Variants in CDH12 observed in about 807,000 individuals in gnomAD.
CDH12 encodes the protein cadherin 12, also known as cadherin-12.
In CDH12, 41 loss-of-function variants were observed where a neutral mutation model predicts 74.1. The observed-to-expected ratio is 0.55, with a 90% CI of 0.43 to 0.72. The LOEUF is 0.72. Among genes scored for constraint, CDH12 ranks in the 30% least tolerant of loss-of-function variants. The pLI, the probability that CDH12 is intolerant of heterozygous loss-of-function variation, is 0.00. For synonymous variants in CDH12, 399 were observed against 355.0 expected (o/e 1.12, Z -1.39); for missense variants, 945 against 977.2 (o/e 0.97, Z 0.44).
intron 1 of CDH12, among the ~76,000 whole-genome samples, chr5:22,651,003 T>C (rs975199541): frequency 2.6e-5 from 4 of 152,082 alleles, no homozygotes; most frequent in Admixed American, 6.6e-5. Flanking sequence ...TGTATTTCCA[T>C]GTTTAATATC....
intron 1 of CDH12, among the ~76,000 whole-genome samples, chr5:22,719,090 T>A (rs1743741734): frequency 6.6e-6 from 1 of 152,322 alleles, no homozygotes; most frequent in African/African-American, 2.4e-5. Context: ...GAAGTGGTCC[T>A]GGAGACACCC....
chr5:22,421,410 T>C (rs1471215141), intron 2 of CDH12, among the ~76,000 whole-genome samples: 2 of 152,138 alleles, frequency 1.3e-5, no homozygotes, highest in Admixed American at 6.5e-5. Flanking sequence ...ATTGTTCAAC[T>C]CCCACCTATG....
intron 3 of CDH12, among the ~76,000 whole-genome samples, chr5:22,392,716 G>A (rs1285228523): frequency 6.6e-6 from 1 of 152,142 alleles, no homozygotes; most frequent in African/African-American, 2.4e-5. Flanking sequence ...GTGAATCCTG[G>A]ATTGTAGGAA....
chr5:22,604,370 A>C (rs1736995223), intron 1 of CDH12, among the ~76,000 whole-genome samples: 1 of 152,200 alleles, frequency 6.6e-6, no homozygotes, highest in South Asian at 2.1e-4. Flanking sequence ...AACATTCCTT[A>C]TCCAGAACTG....
chr5:22,248,230 C>T (rs542383311), intron 3 of CDH12, among the ~76,000 whole-genome samples: 6 of 152,204 alleles, frequency 3.9e-5, no homozygotes, highest in South Asian at 2.1e-4. Flanking sequence ...ACCCAGGAGG[C>T]GGAGGTTGCA....
chr5:22,510,848 T>C (rs888540566), intron 1 of CDH12, among the ~76,000 whole-genome samples: 3 of 152,088 alleles, frequency 2.0e-5, no homozygotes, highest in Admixed American at 1.3e-4. Context: ...AAAATAACTT[T>C]CAGATGCATG....
At chr5:21,809,181 T>C (rs1332159133) in intron 9 of CDH12, among the ~76,000 whole-genome samples, 1 of 152,108 alleles carries the variant, frequency 6.6e-6, no homozygotes, top group Non-Finnish European at 1.5e-5. Flanking sequence ...TTTTAACAAA[T>C]TATCTTAAGA....
At chr5:22,123,532 G>C (rs1745647200) in intron 4 of CDH12, among the ~76,000 whole-genome samples, 1 of 152,088 alleles carries the variant, frequency 6.6e-6, no homozygotes, top group Admixed American at 6.5e-5. Flanking sequence ...GATTTATTTT[G>C]AGGTCTAGAA....
At position 22,248,655 on chromosome 5, in the gene CDH12, A is replaced by C. The variant is rs570865578; in HGVS notation, c.-332-36012T>G. Among the ~76,000 whole-genome samples the C allele has an allele frequency of 1.5e-3, 231 of 152,288 alleles. 1 individual carries two copies. Among genetic ancestry groups the C allele is most frequent in the Middle Eastern group, 3.4e-3 (1 of 294 alleles). ...TGTAAGATACAGGAACAGAATCCTT[A>C]TTTTGAAATCACAGTTTCGTTGTAT... On this transcript the variant is annotated intron_variant, in intron 3 of 14. Transcript: ENST00000382254.
At chr5:22,041,243 TAAAC>T (rs1220574724) in intron 5 of CDH12, among the ~76,000 whole-genome samples, 5 of 151,626 alleles carry the variant, frequency 3.3e-5, no homozygotes, top group African/African-American at 9.7e-5. Context: ...ATTACAAAAA[TAAAC>T]AAGAGCGGGG....
intron 6 of CDH12, among the ~76,000 whole-genome samples, chr5:21,908,398 T>C (rs7723448): frequency 0.73 from 111,171 of 152,134 alleles, 43,635 homozygotes; most frequent in East Asian, 0.93. Context: ...CTGGGCTCTT[T>C]TGCGGAGCTA....
intron 5 of CDH12, among the ~76,000 whole-genome samples, chr5:22,064,026 C>T (rs905573769): frequency 2.0e-4 from 31 of 151,932 alleles, no homozygotes; most frequent in African/African-American, 7.0e-4. Flanking sequence ...CACACAAACA[C>T]ACACACACAC....
At chr5:21,873,621 T>A (rs6873852) in intron 6 of CDH12, among the ~76,000 whole-genome samples, 132,962 of 152,226 alleles carry the variant, frequency 0.87, 60,564 homozygotes, top group Non-Finnish European at 0.99. Flanking sequence ...TGCTATTTTT[T>A]AAAAATTTTA....
chr5:22,461,661 T>C (rs190967749), intron 2 of CDH12, among the ~76,000 whole-genome samples: 267 of 152,046 alleles, frequency 1.8e-3, no homozygotes, highest in African/African-American at 6.2e-3. Context: ...ATAGAAAACT[T>C]TGAGGAGGAG....
intron 2 of CDH12, among the ~76,000 whole-genome samples, chr5:22,481,998 AG>A (rs1304665754): frequency 6.6e-6 from 1 of 152,186 alleles, no homozygotes; most frequent in African/African-American, 2.4e-5. Context: ...GCACCAATGA[AG>A]CTGTTAAACA....
chr5:22,753,360 C>T (rs749532155), intron 1 of CDH12, among the ~76,000 whole-genome samples: 60 of 150,808 alleles, frequency 4.0e-4, no homozygotes, highest in Non-Finnish European at 7.7e-4. Context: ...TGGCGTGAAC[C>T]CGGGAGGCAG....
intron 8 of CDH12, among the ~76,000 whole-genome samples, chr5:21,830,151 A>T (rs1748924721): frequency 2.8e-5 from 4 of 142,656 alleles, no homozygotes; most frequent in Non-Finnish European, 4.5e-5. Flanking sequence ...GTGAGTCAAG[A>T]TCCCACCATT....
chr5:22,038,974 G>T (rs1739380787), intron 5 of CDH12, among the ~76,000 whole-genome samples: 1 of 152,094 alleles, frequency 6.6e-6, no homozygotes, highest in Non-Finnish European at 1.5e-5. Flanking sequence ...TCTTCCCGGG[G>T]AGTTAAATTA....
intron 4 of CDH12, among the ~76,000 whole-genome samples, chr5:22,158,476 T>G (rs2150316827): frequency 6.6e-6 from 1 of 152,082 alleles, no homozygotes; most frequent in East Asian, 1.9e-4. Context: ...ACAGTTCCAT[T>G]TTATCAAAGG....
Sources: allele counts gnomAD v4.1 joint callset (sites outside exome capture counted in the v4.1 genomes callset), GRCh38; gene constraint gnomAD v4.1.1; transcripts MANE v1.5; gene names NCBI Gene and HGNC (gene_info 2026-07-23, HGNC 2026-07-21).